Variants in CTSZ observed in about 807,000 individuals in gnomAD.
CTSZ encodes the protein carboxypeptidase LB.
Under a neutral mutation model 32.4 loss-of-function variants are expected in CTSZ, and 39 were observed. The ratio of observed to expected loss-of-function variants is 1.20; its 90% CI spans 0.93 to 1.57. The LOEUF is 1.57. Among genes scored for constraint, CTSZ ranks in the 40% most tolerant of loss-of-function variants. CTSZ has a pLI of 0.00. For synonymous variants in CTSZ, 168 were observed against 170.1 expected (o/e 0.99, Z 0.10); for missense variants, 397 against 419.6 (o/e 0.95, Z 0.47).
In CTSZ at chr20:59,007,064, T is replaced by A. The variant is rs1277636410; in HGVS notation, c.65A>T (p.Gln22Leu). ...LLLVLLAGAA[Q>L]GGLYFRRGQT... ...TCCCCGGCGGAAGTAGAGGCCGCCC[T>A]GCGCCGCGCCCGCCAGCAGCACGAG... The change falls in exon 1 of 6, where the codon CAG becomes CTG. Residue 22 changes from glutamine to leucine, a missense_variant. Physicochemically the swap from Gln to Leu is moderately radical, Grantham distance 113. Transcript: ENST00000217131. The A allele has an allele frequency of 3.4e-6, 5 of 1,463,324 alleles. No individual in the cohort carries two copies. Among genetic ancestry groups the A allele is most frequent in the Non-Finnish European group, 4.5e-6 (5 of 1,113,716 alleles). The allele number at this position is 1,463,324 out of a possible 1,614,324, so 90.6% of individuals were successfully genotyped here.
Position 58,997,635 on chromosome 20 carries a change from C to T in CTSZ, c.606G>A (p.Met202Ile). The change falls in exon 4 of 6, where the codon ATG becomes ATA. Residue 202 changes from methionine to isoleucine, a missense_variant. Coordinates refer to ENST00000217131, the MANE Select transcript of CTSZ (RefSeq NM_001336.4). ...GACCATTTGCATAGATTTCTGCCAT[C>T]ATCTTCTCCCTCCCAGAGAGGGAGC... is the stretch of plus-strand genomic sequence containing the variant. ...DYGSLSGREK[M>I]MAEIYANGPI... 2 of 1,604,560 alleles carry T rather than the reference C, an allele frequency of 1.2e-6. No individual in the cohort carries two copies. Among genetic ancestry groups the T allele is most frequent in the Non-Finnish European group, 1.7e-6 (2 of 1,175,414 alleles).
rs972181251 is a variant in CTSZ at position 59,004,617 on chromosome 20, G to C, written c.307+1705C>G. ...TTTTTCCAGGTGGGAGAGCTTCCCT[G>C]AGTGGGAAGGGACGGGCTCAGTGAG... is the stretch of plus-strand genomic sequence containing the variant. On this transcript the variant is annotated intron_variant, in intron 2 of 5. Transcript: ENST00000217131. This position sits in a 1 kb window ranked among gnomAD's most constrained non-coding sequence, Gnocchi z 5.6. 6.6e-6 allele frequency among the ~76,000 whole-genome samples: 1 copy of C among 152,108 alleles called. No homozygotes were observed. The highest frequency in any genetic ancestry group is 1.5e-5 in the Non-Finnish European group (1 of 67,988).
At chr20:59,006,939 C>T in intron 1 of CTSZ, 47 bp downstream of exon 1, 2 of 1,351,880 alleles carry the variant, frequency 1.5e-6, no homozygotes, top group Non-Finnish European at 1.9e-6. Flanking sequence ...CTGGCCCGGG[C>T]GATGGGCCTC....
intron 3 of CTSZ, among the ~76,000 whole-genome samples, chr20:58,999,567 C>T (rs2091878869): frequency 6.7e-6 from 1 of 148,632 alleles, no homozygotes; most frequent in African/African-American, 2.5e-5. Context: ...GAATTTCTGG[C>T]TGAACAATAA....
In CTSZ at chr20:59,001,660, C is replaced by G; in HGVS notation, c.308-16G>C. The stretch of plus-strand genomic sequence containing the variant: ...TTGATCCGATCTGCAACAGTCAGCA[C>G]CTGCCAGTCAGCACTCACCCACTCT... On this transcript the variant is annotated splice_polypyrimidine_tract_variant and intron_variant, in intron 2 of 5. Transcript: ENST00000217131. The G allele has an allele frequency of 6.2e-7, 1 of 1,609,208 alleles. No homozygotes were observed. The highest frequency in any genetic ancestry group is 8.5e-7 in the Non-Finnish European group (1 of 1,176,764).
At position 59,007,171 on chromosome 20, in the gene CTSZ, G is replaced by C; in HGVS notation, c.-43C>G. On this transcript the variant is annotated 5_prime_UTR_variant, in exon 1 of 6. Coordinates refer to ENST00000217131, the MANE Select transcript of CTSZ (RefSeq NM_001336.4). The stretch of plus-strand genomic sequence containing the variant: ...TGGGTCCCGCTCCGGATCCCGCTCC[G>C]AGTCCCAGATCCCGCGCCGGCTCCC... 1 of 1,309,314 alleles carries C rather than the reference G, an allele frequency of 7.6e-7. No homozygotes were observed. The highest frequency in any genetic ancestry group is 4.2e-5 in the Admixed American group (1 of 23,666). The allele number at this position is 1,309,314 out of a possible 1,614,324, so 81.1% of individuals were successfully genotyped here.
At chr20:58,997,898 G>A (rs1218690654) in intron 3 of CTSZ, 145 bp from the exon 4 acceptor site, 3 of 624,266 alleles carry the variant, frequency 4.8e-6, no homozygotes, top group Non-Finnish European at 7.5e-6. Flanking sequence ...ATTAGGTGCT[G>A]CTTAATGACG....
In CTSZ at chr20:58,997,620, A is replaced by G. The variant is rs163785; in HGVS notation, c.621T>C (p.Tyr207=). 1 allele frequency: 1,595,760 copies of G among 1,600,156 alleles called. 795,697 individuals are homozygous for G. Among genetic ancestry groups the G allele is most frequent in the Middle Eastern group, 1 (5,902 of 5,902 alleles). The change falls in exon 4 of 6, where the codon TAT becomes TAC. Residue 207 remains tyrosine (Y), a synonymous_variant. Transcript: ENST00000217131. ...CTCCTCACCTGATGGGACCATTTGCATAGATTTCTGCCATCATCTTCTCCC... is the reference window on the plus strand; with the variant it reads ...CTCCTCACCTGATGGGACCATTTGCGTAGATTTCTGCCATCATCTTCTCCC... ...SGREKMMAEI[Y]ANGPISCGIM...
intron 5 of CTSZ, 129 bp downstream of exon 5, chr20:58,996,510 A>G (rs938563463): frequency 3.5e-5 from 34 of 981,618 alleles, no homozygotes; most frequent in African/African-American, 3.4e-4. Flanking sequence ...GGTGGCTGAG[A>G]CAGCTGGAGC....
At chr20:59,003,249 C>T (rs2091897043) in intron 2 of CTSZ, among the ~76,000 whole-genome samples, 1 of 152,210 alleles carries the variant, frequency 6.6e-6, no homozygotes, top group Non-Finnish European at 1.5e-5. Context: ...GGCCCAGAGG[C>T]AGAGCTCGGA....
At chr20:59,001,724 G>A (rs2091890569) in intron 2 of CTSZ, 80 bp from the exon 3 acceptor site, 4 of 1,459,254 alleles carry the variant, frequency 2.7e-6, no homozygotes, top group Non-Finnish European at 2.8e-6. Flanking sequence ...GCCTCAGGCG[G>A]GATGCAGGCG....
intron 3 of CTSZ, among the ~76,000 whole-genome samples, chr20:58,998,501 G>A (rs1439247255): frequency 3.4e-5 from 5 of 148,518 alleles, no homozygotes; most frequent in Admixed American, 6.8e-5. Flanking sequence ...AGCCAGGATC[G>A]CGCCATTGCA....
intron 3 of CTSZ, among the ~76,000 whole-genome samples, chr20:59,000,404 A>T (rs1317546787): frequency 6.6e-6 from 1 of 152,004 alleles, no homozygotes; most frequent in Non-Finnish European, 1.5e-5. Context: ...AACAAACAAA[A>T]CCTACCAATT....
intron 2 of CTSZ, 88 bp from the exon 3 acceptor site, chr20:59,001,732 G>A: frequency 1.4e-6 from 2 of 1,385,378 alleles, no homozygotes; most frequent in Non-Finnish European, 2.0e-6. Context: ...CGGGATGCAG[G>A]CGCTGCCCAG....
At position 59,007,177 on chromosome 20, in the gene CTSZ, C is replaced by G; in HGVS notation, c.-49G>C. ...CCGCTCCGGATCCCGCTCCGAGTCC[C>G]AGATCCCGCGCCGGCTCCCGCTCTG... is the stretch of plus-strand genomic sequence containing the variant. On this transcript the variant is annotated 5_prime_UTR_variant, in exon 1 of 6. Transcript: ENST00000217131. 1 of 1,301,736 alleles carries G rather than the reference C, an allele frequency of 7.7e-7. No individual in the cohort carries two copies. The highest frequency in any genetic ancestry group is 1.6e-5 in the African/African-American group (1 of 64,296). 80.6% of individuals were successfully genotyped at this position (1,301,736 alleles called of 1,614,324 possible).
At chr20:59,006,513 C>T (rs754533124) in intron 1 of CTSZ, 28 bp from the exon 2 acceptor site, 6 of 1,595,170 alleles carry the variant, frequency 3.8e-6, no homozygotes, top group Middle Eastern at 1.7e-4. Flanking sequence ...CCACCCAGAT[C>T]GGTGCTGGGG....
At position 58,996,782 on chromosome 20, in the gene CTSZ, C is replaced by T. The variant is rs1209652570; in HGVS notation, c.658G>A (p.Glu220Lys). Residue 220 changes from glutamate (E) to lysine (K), a missense_variant, in exon 5 of 6, where the codon GAA becomes AAA. By Grantham distance (56) the Glu-to-Lys change is moderately conservative. Transcript: ENST00000217131. ...CCTCCGGTGTAGTTAGCCAGTCTTT[C>T]TGTTGCCATTATTCCACAGCTGAGA... ...GPISCGIMAT[E>K]RLANYTGGIY... 2 of 1,614,134 alleles carry T rather than the reference C, an allele frequency of 1.2e-6. No homozygotes were observed. Among genetic ancestry groups the T allele is most frequent in the Non-Finnish European group, 1.7e-6 (2 of 1,180,016 alleles).
rs2091901939 is a variant in CTSZ at position 59,004,592 on chromosome 20, TTTTTC to T, written c.307+1725_307+1729del. Among the ~76,000 whole-genome samples, 1 of 151,790 alleles carries T rather than the reference TTTTTC, an allele frequency of 6.6e-6. No individual in the cohort carries two copies. The highest frequency in any genetic ancestry group is 1.5e-5 in the Non-Finnish European group (1 of 67,902). The stretch of plus-strand genomic sequence containing the variant: ...GTGGGGCCGGGGGCTTTGTGTTCCT[TTTTTC>T]CAGGTGGGAGAGCTTCCCTGAGTGG... On this transcript the variant is annotated intron_variant, in intron 2 of 5. Transcript: ENST00000217131. This position sits in a 1 kb window ranked among gnomAD's most constrained non-coding sequence, Gnocchi z 5.6.
chr20:58,995,901 T>A, intron 5 of CTSZ, 142 bp from the exon 6 acceptor site: 1 of 652,288 alleles, frequency 1.5e-6, no homozygotes, highest in South Asian at 1.8e-5. Context: ...CAGCTGCCCC[T>A]CAGCTTTCCC....
Sources: gnomAD v4.1 joint callset for allele counts (sites outside exome capture counted in the v4.1 genomes callset) on GRCh38, gnomAD v4.1.1 for gene constraint, Gnocchi (gnomAD v3.1) non-coding constraint, MANE v1.5 for transcripts, NCBI Gene and HGNC (gene_info 2026-07-23, HGNC 2026-07-21) for gene names.